The following AACS variants were observed in gnomAD, a reference collection of about 807,000 sequenced individuals.
AACS encodes acetoacetate-CoA ligase.
AACS carries 69 observed loss-of-function variants against 83.1 expected under a neutral mutation model. The observed-to-expected ratio is 0.83, with a 90% CI of 0.68 to 1.01. The LOEUF is 1.01. Ranked by LOEUF, AACS falls within the 50% of genes least tolerant of loss-of-function variation. AACS has a pLI of 0.00. For synonymous variants in AACS, 333 were observed against 343.4 expected, an observed-to-expected ratio of 0.97 and a Z score of 0.33; for missense variants, 866 against 882.2, an observed-to-expected ratio of 0.98 and a Z score of 0.23.
chr12:125,124,715 C>G lies in AACS; in HGVS notation c.1132C>G (p.Leu378Val). 6 of 1,614,044 alleles carry G rather than the reference C, an allele frequency of 3.7e-6. No individual in the cohort carries two copies. The highest frequency in any genetic ancestry group is 5.1e-6 in the Non-Finnish European group (6 of 1,180,038). Residue 378 changes from leucine to valine, a missense_variant, in exon 11 of 18, where the codon CTG becomes GTG. Transcript: ENST00000316519. Reference sequence around the variant, plus strand: ...CCGCCTGCACCCTAGCATCACTGTCCTGGTAACTGGGGCCAAGTGGCTGTC... The same window carrying G: ...CCGCCTGCACCCTAGCATCACTGTCGTGGTAACTGGGGCCAAGTGGCTGTC... ...DLVDRIGITV[L>V]VTGAKWLSVL...
intron 7 of AACS, among the ~76,000 whole-genome samples, chr12:125,103,426 G>A (rs1194305317): frequency 2.0e-5 from 3 of 149,424 alleles, no homozygotes; most frequent in African/African-American, 7.6e-5. Flanking sequence ...TGCACATGGT[G>A]CATGCACTGC....
chr12:125,123,150 G>A (rs1330402274), intron 10 of AACS: 3 of 152,306 alleles, frequency 2.0e-5, no homozygotes, highest in African/African-American at 7.2e-5. Flanking sequence ...GAGAGCCTTC[G>A]AGTTTTCTGG....
rs114922075 is a variant in AACS, at chr12:125,079,692, T to A, written c.358+3081T>A. On this transcript the variant is annotated intron_variant, in intron 3 of 17. Transcript: ENST00000316519. The stretch of plus-strand genomic sequence containing the variant: ...GCATGAGCCACTGCGTCCAGCCAGC[T>A]CCTTTCTTCCAATTAGCATATAATT... 5.7e-3 allele frequency among the ~76,000 whole-genome samples: 864 copies of A among 152,294 alleles called. 14 individuals carry two copies. Among genetic ancestry groups the A allele is most frequent in the African/African-American group, 0.02 (833 of 41,562 alleles).
chr12:125,067,189 C>T (rs972514248), intron 1 of AACS, among the ~76,000 whole-genome samples: 1 of 152,194 alleles, frequency 6.6e-6, no homozygotes, highest in African/African-American at 2.4e-5. Flanking sequence ...TTTTCCTAGG[C>T]TAACCCAGAG....
At chr12:125,133,300 G>C (rs1438402711) in intron 14 of AACS, among the ~76,000 whole-genome samples, 2 of 152,124 alleles carry the variant, frequency 1.3e-5, no homozygotes, top group Non-Finnish European at 2.9e-5. Context: ...CCTTAGAGGC[G>C]GCATCCAAAT....
chr12:125,068,237 T>A (rs1281271800), intron 1 of AACS, among the ~76,000 whole-genome samples: 1 of 152,036 alleles, frequency 6.6e-6, no homozygotes, highest in Non-Finnish European at 1.5e-5. Context: ...TGGGTGGATC[T>A]TTTGAGCCTA....
chr12:125,108,341 A>G (rs969177428), intron 8 of AACS, among the ~76,000 whole-genome samples: 1 of 151,996 alleles, frequency 6.6e-6, no homozygotes, highest in African/African-American at 2.4e-5. Flanking sequence ...TCCTCGTGTG[A>G]TCTTTCACGT....
chr12:125,123,946 T>C (rs1080910), intron 10 of AACS: 57,496 of 152,140 alleles, frequency 0.38, 11,221 homozygotes, highest in East Asian at 0.45. Flanking sequence ...GGATTCTGAA[T>C]GTTCAAGAAG....
At chr12:125,115,585 T>C (rs1174643170) in intron 9 of AACS, among the ~76,000 whole-genome samples, 1 of 152,184 alleles carries the variant, frequency 6.6e-6, no homozygotes, top group African/African-American at 2.4e-5. Context: ...CCAAGTGGAA[T>C]GCAGCAGGCA....
At chr12:125,083,270 C>T (rs971687570) in intron 3 of AACS, among the ~76,000 whole-genome samples, 1 of 152,214 alleles carries the variant, frequency 6.6e-6, no homozygotes, top group African/African-American at 2.4e-5. Context: ...CAGAGGCTTC[C>T]TCAGTGACCT....
rs1026699079 is a variant in AACS, at chr12:125,113,816, C to A, written c.916-661C>A. On this transcript the variant is annotated intron_variant, in intron 8 of 17. Coordinates refer to ENST00000316519, the MANE Select transcript of AACS (RefSeq NM_023928.5). The surrounding 1 kb of genome is among the most constrained non-coding windows in gnomAD (Gnocchi z 4.8). ...AGGACAGGGAGAGAGGACGGCTTTT[C>A]ATAGTATCTGCTTCAGAGTTCTGGA... Among the ~76,000 whole-genome samples, 3 of 152,176 alleles carry A rather than the reference C, an allele frequency of 2.0e-5. No individual in the cohort carries two copies. Among genetic ancestry groups the A allele is most frequent in the African/African-American group, 7.2e-5 (3 of 41,446 alleles).
rs1320443726 is a variant in AACS, at chr12:125,073,985, T to G, written c.237+6T>G. The G allele has an allele frequency of 6.2e-7, 1 of 1,602,900 alleles. No homozygotes were observed. Among genetic ancestry groups the G allele is most frequent in the Non-Finnish European group, 8.5e-7 (1 of 1,172,742 alleles). ...TCTCACGTGTGTATGATGAGGTAAG[T>G]AGAGATTTTCCGTGGATATCATCTC... is the stretch of plus-strand genomic sequence containing the variant. On this transcript the variant is annotated splice_donor_region_variant and intron_variant, in intron 2 of 17. Transcript: ENST00000316519.
chr12:125,117,187 G>A (rs931684829), intron 9 of AACS, among the ~76,000 whole-genome samples: 1 of 152,100 alleles, frequency 6.6e-6, no homozygotes. Context: ...TGAGGTAGGT[G>A]GATCACTTGA....
At chr12:125,102,583 G>A in intron 5 of AACS, 96 bp from the exon 6 acceptor site, 1 of 1,003,990 alleles carries the variant, frequency 1.0e-6, no homozygotes, top group Non-Finnish European at 1.6e-6. Context: ...TCCCACCTCA[G>A]CCTCCAGAGT....
Position 125,134,824 on chromosome 12 carries a change from G to T in AACS, c.1650G>T (p.Arg550=). The T allele has an allele frequency of 1.2e-6, 2 of 1,614,174 alleles. No individual in the cohort carries two copies. The highest frequency in any genetic ancestry group is 2.2e-5 in the South Asian group (2 of 91,080). ...SDGTLNPNGV[R]FGSSEIYNIV... is the part of the protein sequence containing the mutation. ...GCACCCTCAACCCCAACGGGGTGCG[G>T]TTCGGCAGCTCGGAAATCTATAACA... is the stretch of plus-strand genomic sequence containing the variant. Residue 550 remains arginine, a synonymous_variant, in exon 16 of 18, where the codon CGG becomes CGT. Transcript: ENST00000316519.
At position 125,081,978 on chromosome 12, in the gene AACS, A is replaced by T. The variant is rs1956199920; in HGVS notation, c.359-4352A>T. On this transcript the variant is annotated intron_variant, in intron 3 of 17. Transcript: ENST00000316519. ...GCAGCCTCCGCCTCCTGGCTTCAAG[A>T]TATTCTTCTGTCTCAGCCTCCCAAG... Among the ~76,000 whole-genome samples, 4 of 151,022 alleles carry T rather than the reference A, an allele frequency of 2.6e-5. No individual in the cohort carries two copies. The South Asian group carries it at 8.4e-4, about 32-fold the overall frequency.
At chr12:125,115,927 C>G (rs2136112713) in intron 9 of AACS, among the ~76,000 whole-genome samples, 1 of 152,334 alleles carries the variant, frequency 6.6e-6, no homozygotes, top group African/African-American at 2.4e-5. Flanking sequence ...CCCCTGGGAT[C>G]TCACACAGGC....
intron 16 of AACS, 45 bp downstream of exon 16, chr12:125,134,897 AG>A (rs778474717): frequency 1.2e-6 from 2 of 1,611,234 alleles, no homozygotes; most frequent in Non-Finnish European, 1.7e-6. Flanking sequence ...TCCAGGAAGG[AG>A]GAGGGTCCTG....
intron 5 of AACS, among the ~76,000 whole-genome samples, chr12:125,099,916 T>C (rs1180680233): frequency 2.0e-5 from 3 of 152,246 alleles, no homozygotes; most frequent in Non-Finnish European, 4.4e-5. Context: ...CCTCAAGTGA[T>C]CTGCCGGCCT....
Sources: allele counts gnomAD v4.1 joint callset (sites outside exome capture counted in the v4.1 genomes callset), GRCh38; gene constraint gnomAD v4.1.1; non-coding constraint Gnocchi (gnomAD v3.1); transcripts MANE v1.5; gene names NCBI Gene and HGNC (gene_info 2026-07-23, HGNC 2026-07-21).